GPAM: variants seen among roughly 807,000 people sequenced by gnomAD.
GPAM encodes the protein glycerol-3-phosphate acyltransferase 1, mitochondrial.
In GPAM, 56 loss-of-function variants were observed where a neutral mutation model predicts 105.0. The observed-to-expected ratio is 0.53, with a 90% CI of 0.43 to 0.67. The LOEUF is 0.67. Among genes scored for constraint, GPAM ranks in the 30% least tolerant of loss-of-function variants. The pLI, the probability that GPAM is intolerant of heterozygous loss-of-function variation, is 0.00. For synonymous variants in GPAM, 368 were observed against 354.4 expected, an observed-to-expected ratio of 1.04 and a Z score of -0.43; for missense variants, 855 against 989.8, an observed-to-expected ratio of 0.86 and a Z score of 1.83.
chr10:112,166,396 A>C lies in GPAM; in HGVS notation c.1221+6T>G. ...TCAACATGGTTTCATTTCAACAGAC[A>C]CTCACCTTTAAGGAAAATGGCTGTG... On this transcript the variant is annotated splice_donor_region_variant and intron_variant, in intron 12 of 21. Transcript: ENST00000348367. The C allele has an allele frequency of 6.8e-7, 1 of 1,471,268 alleles. No individual in the cohort carries two copies. Among genetic ancestry groups the C allele is most frequent in the Admixed American group, 1.7e-5 (1 of 59,822 alleles). 91.1% of individuals were successfully genotyped at this position (1,471,268 alleles called of 1,614,324 possible).
At position 112,178,001 on chromosome 10, in the gene GPAM, G is replaced by T. The variant is rs759072783; in HGVS notation, c.282C>A (p.Ile94=). 6.3e-7 allele frequency: 1 copy of T among 1,588,552 alleles called. No individual in the cohort carries two copies. Residue 94 remains isoleucine, a synonymous_variant, in exon 5 of 22, where the codon ATC becomes ATA. Transcript: ENST00000348367. ...PSLGLRNVIY[I]NETHTRHRGW... ...CTTTTTACCTTGTGTGAGTTTCATT[G>T]ATATAAATAACATTCCGCAAACCCA...
Position 112,153,435 on chromosome 10 carries a change from T to C in GPAM, c.*115A>G, listed in dbSNP as rs17129557. On this transcript the variant is annotated 3_prime_UTR_variant, in exon 22 of 22. Coordinates refer to ENST00000348367, the MANE Select transcript of GPAM (RefSeq NM_001244949.2). Reference sequence around the variant, plus strand: ...AGGCACTTGTCTTCCAGGAGATCACTTCGGGACAGGGCAGGCCTGACCCTG... The same window carrying C: ...AGGCACTTGTCTTCCAGGAGATCACCTCGGGACAGGGCAGGCCTGACCCTG... The C allele has an allele frequency of 0.12, 197,917 of 1,597,002 alleles. 13,134 individuals are homozygous for C. The highest frequency in any genetic ancestry group is 0.2 in the Admixed American group (12,256 of 59,806).
chr10:112,183,989 T>A (rs1162810492), upstream of GPAM, among the ~76,000 whole-genome samples: 1 of 152,204 alleles, frequency 6.6e-6, no homozygotes, highest in African/African-American at 2.4e-5. Context: ...TGTGGGTACC[T>A]CATTCTGCTT....
chr10:112,154,529 C>T lies in GPAM; in HGVS notation c.2370+100G>A, dbSNP rs985401501. The T allele has an allele frequency of 3.4e-5, 30 of 872,314 alleles. No individual in the cohort carries two copies. In the African/African-American group the frequency reaches 4.8e-4, roughly 14 times the overall value. 54.0% of individuals were successfully genotyped at this position (872,314 alleles called of 1,614,324 possible). A position where few individuals can be genotyped will look rare whatever the true frequency, so the allele number is the denominator to read the frequency against. ...ATCATTAAGCCAGCAGAAACTGCTT[C>T]TCTCGGGGTCCACCCCACCACAAAG... On this transcript the variant is annotated intron_variant, in intron 21 of 21. Transcript: ENST00000348367.
intron 1 of GPAM, among the ~76,000 whole-genome samples, chr10:112,207,497 C>T (rs1330718537): frequency 6.6e-6 from 1 of 152,202 alleles, no homozygotes; most frequent in Non-Finnish European, 1.5e-5. Context: ...TGCCCACCAG[C>T]TTCATGCTCC....
intron 9 of GPAM, among the ~76,000 whole-genome samples, chr10:112,171,931 A>G (rs1391401262): frequency 6.6e-6 from 1 of 152,152 alleles, no homozygotes; most frequent in Non-Finnish European, 1.5e-5. Context: ...TATTTGATAA[A>G]CAATGCCCAT....
At chr10:112,219,239 C>G (rs929018735), upstream of GPAM, among the ~76,000 whole-genome samples, 2 of 152,138 alleles carry the variant, frequency 1.3e-5, no homozygotes, top group African/African-American at 4.8e-5. Context: ...AAGGACCTTC[C>G]CAAAAGGGGG....
chr10:112,164,712 T>C (rs1847183290), intron 12 of GPAM, 102 bp from the exon 13 acceptor site: 1 of 738,690 alleles, frequency 1.4e-6, no homozygotes. Context: ...GTTTATGAAA[T>C]AAGCCATGCT....
At chr10:112,212,622 G>A (rs1360455225) in intron 1 of GPAM, among the ~76,000 whole-genome samples, 1 of 152,126 alleles carries the variant, frequency 6.6e-6, no homozygotes, top group Non-Finnish European at 1.5e-5. Flanking sequence ...CAAAGCTTAG[G>A]GTCTCGAGAA....
the GPAM span, among the ~76,000 whole-genome samples, chr10:112,222,354 C>A: frequency 6.6e-6 from 1 of 152,176 alleles, no homozygotes; most frequent in Non-Finnish European, 1.5e-5. Context: ...AAGAGTCCCA[C>A]GCAAACCCAG....
intron 20 of GPAM, 133 bp from the exon 21 acceptor site, chr10:112,154,820 A>C: frequency 4.1e-6 from 3 of 724,576 alleles, no homozygotes; most frequent in Non-Finnish European, 7.4e-6. Context: ...GTGGGGCCCC[A>C]CTTCCACCAC....
At chr10:112,154,608 C>T (rs3740149) in intron 21 of GPAM, 21 bp downstream of exon 21, 7 of 1,532,098 alleles carry the variant, frequency 4.6e-6, no homozygotes, top group Admixed American at 3.3e-5. Context: ...AGCTTTTATA[C>T]CATAAATGGT....
rs757721275 is a variant in GPAM, at chr10:112,168,906, C to A, written c.841G>T (p.Asp281Tyr). ...TCTTTCCGTCCATCTGGTGTTTCAT[C>A]GAGCCTTCGTCGTATGAAGAAGCCC... ...LGGFFIRRRLDETPDGRKDVL... is the reference protein window; with the variant it reads ...LGGFFIRRRLYETPDGRKDVL... Residue 281 changes from aspartate to tyrosine, a missense_variant, in exon 10 of 22, where the codon GAT becomes TAT. Asp to Tyr is a radical substitution (Grantham distance 160). Coordinates refer to ENST00000348367, the MANE Select transcript of GPAM (RefSeq NM_001244949.2). 1.2e-6 allele frequency: 2 copies of A among 1,612,526 alleles called. No individual in the cohort carries two copies. The highest frequency in any genetic ancestry group is 2.2e-5 in the East Asian group (1 of 44,874).
chr10:112,165,889 T>C (rs927874260), intron 12 of GPAM, among the ~76,000 whole-genome samples: 1 of 152,204 alleles, frequency 6.6e-6, no homozygotes, highest in East Asian at 1.9e-4. Context: ...TTAATTGATA[T>C]ATAATACTTG....
Position 112,213,013 on chromosome 10 carries a change from A to C in GPAM, n.210+2155T>G, listed in dbSNP as rs1847929557. 2.6e-5 allele frequency among the ~76,000 whole-genome samples: 4 copies of C among 152,254 alleles called. No homozygotes were observed. The South Asian group carries it at 8.3e-4, about 31-fold the overall frequency. On this transcript the variant is annotated intron_variant and non_coding_transcript_variant, in intron 1 of 3. Transcript: ENST00000480130. ...CTGATCTTGACAGGGAGAACAGAGC[A>C]GATCTCAGAACTGAAAGCATCTCAG... is the stretch of plus-strand genomic sequence containing the variant.
the GPAM span, among the ~76,000 whole-genome samples, chr10:112,225,407 AGTCTGGGTGTGACCACCGT>A: frequency 2.6e-5 from 4 of 152,164 alleles, no homozygotes; most frequent in African/African-American, 7.2e-5. Flanking sequence ...CTGAGTACCT[AGTCTGGGTGTGACCACCGT>A]GTCTGGGTGT....
At chr10:112,196,309 T>A (rs935340608) in intron 1 of GPAM, among the ~76,000 whole-genome samples, 1 of 152,220 alleles carries the variant, frequency 6.6e-6, no homozygotes. Context: ...AGAACCTCAC[T>A]CATTAAGTAT....
chr10:112,167,172 T>C (rs1474079919), intron 11 of GPAM, among the ~76,000 whole-genome samples: 1 of 152,152 alleles, frequency 6.6e-6, no homozygotes, highest in East Asian at 1.9e-4. Flanking sequence ...TCACTTAATT[T>C]CTAAAGCCTC....
the GPAM span, among the ~76,000 whole-genome samples, chr10:112,223,207 T>G: frequency 6.6e-6 from 1 of 152,192 alleles, no homozygotes; most frequent in Non-Finnish European, 1.5e-5. Flanking sequence ...AGCCTAATTC[T>G]GCTCCATTTC....
Sources: gnomAD v4.1 joint callset for allele counts (sites outside exome capture counted in the v4.1 genomes callset) on GRCh38, gnomAD v4.1.1 for gene constraint, MANE v1.5 for transcripts, NCBI Gene and HGNC (gene_info 2026-07-23, HGNC 2026-07-21) for gene names.